KCNN2: variants seen among roughly 807,000 people sequenced by gnomAD.
The protein encoded by KCNN2 is small conductance calcium-activated potassium channel protein 2.
Under a neutral mutation model 55.5 loss-of-function variants are expected in KCNN2, and 24 were observed. The ratio of observed to expected loss-of-function variants is 0.43; its 90% CI spans 0.31 to 0.61. The LOEUF (loss-of-function observed/expected upper bound fraction) is 0.61, where lower values mean the gene tolerates loss of function less well. KCNN2 is among the 20% of genes least tolerant of loss of function. The probability of loss-of-function intolerance (pLI) is 0.08; values close to 1 mark genes in which losing one functional copy is unlikely to be tolerated. For synonymous variants in KCNN2, 431 were observed against 336.1 expected (o/e 1.28, Z -3.09); for missense variants, 754 against 853.6 (o/e 0.88, Z 1.45).
chr5:114,397,123 A>C (rs1033987049), intron 2 of KCNN2, among the ~76,000 whole-genome samples: 1 of 152,126 alleles, frequency 6.6e-6, no homozygotes, highest in Non-Finnish European at 1.5e-5. Context: ...CCCTCTACCA[A>C]TGAAGGGCAT....
At chr5:114,151,433 G>T (rs895701871) in intron 1 of KCNN2, among the ~76,000 whole-genome samples, 16 of 152,036 alleles carry the variant, frequency 1.1e-4, no homozygotes, top group Non-Finnish European at 5.9e-5. Flanking sequence ...CAGCAAAGGG[G>T]GTTGTAATGA....
intron 2 of KCNN2, among the ~76,000 whole-genome samples, chr5:114,296,060 T>G (rs1156299079): frequency 6.6e-6 from 1 of 152,226 alleles, no homozygotes; most frequent in African/African-American, 2.4e-5. Flanking sequence ...TTTACCCACC[T>G]AAGCTCATAG....
chr5:114,421,582 C>A (rs1046207559), intron 3 of KCNN2, among the ~76,000 whole-genome samples: 1 of 151,894 alleles, frequency 6.6e-6, no homozygotes, highest in Non-Finnish European at 1.5e-5. Flanking sequence ...ATTCTCTTTT[C>A]TCTACAACCT....
chr5:114,221,728 T>C (rs1243648038), intron 2 of KCNN2, among the ~76,000 whole-genome samples: 1 of 152,198 alleles, frequency 6.6e-6, no homozygotes, highest in Non-Finnish European at 1.5e-5. Flanking sequence ...ATGTATTACC[T>C]GCCTATTTCT....
At chr5:114,094,110 T>G (rs970610593) in intron 1 of KCNN2, among the ~76,000 whole-genome samples, 3 of 152,208 alleles carry the variant, frequency 2.0e-5, no homozygotes, top group African/African-American at 7.2e-5. Context: ...CTTTTTTTGT[T>G]TTGCCTTATT....
intron 1 of KCNN2, among the ~76,000 whole-genome samples, chr5:114,166,876 A>G (rs1752923708): frequency 6.6e-6 from 1 of 152,076 alleles, no homozygotes; most frequent in South Asian, 2.1e-4. Context: ...GCTTCTGCAC[A>G]TTCCATCTCT....
At chr5:114,380,384 C>G (rs952080133) in intron 2 of KCNN2, among the ~76,000 whole-genome samples, 3 of 152,208 alleles carry the variant, frequency 2.0e-5, no homozygotes, top group Middle Eastern at 3.2e-3. Flanking sequence ...GGCTCTCTCT[C>G]ATTTCATGGT....
intron 3 of KCNN2, among the ~76,000 whole-genome samples, chr5:114,410,741 T>C (rs912589132): frequency 6.6e-6 from 1 of 152,028 alleles, no homozygotes; most frequent in Non-Finnish European, 1.5e-5. Context: ...AAAGCAAACA[T>C]TGTGATAATA....
At chr5:114,465,985 G>C (rs1761428877) in intron 4 of KCNN2, among the ~76,000 whole-genome samples, 1 of 152,144 alleles carries the variant, frequency 6.6e-6, no homozygotes, top group Non-Finnish European at 1.5e-5. Flanking sequence ...TCTTACATCA[G>C]CTCCTTAGGG....
chr5:114,174,292 G>A (rs767627348), intron 1 of KCNN2, among the ~76,000 whole-genome samples: 2 of 152,046 alleles, frequency 1.3e-5, no homozygotes, highest in South Asian at 2.1e-4. Flanking sequence ...AGAAAACAAC[G>A]CAGAAAGTGT....
At chr5:114,288,694 T>G (rs572130179) in intron 2 of KCNN2, among the ~76,000 whole-genome samples, 19 of 152,302 alleles carry the variant, frequency 1.2e-4, no homozygotes, top group African/African-American at 4.3e-4. Flanking sequence ...CTCAAGCCCT[T>G]AGTTCATTTT....
chr5:114,473,363 G>A (rs1231670315), intron 5 of KCNN2, 199 bp downstream of exon 5: 4 of 567,268 alleles, frequency 7.1e-6, no homozygotes, highest in Admixed American at 3.1e-5. Flanking sequence ...TAATTGGGCA[G>A]TCTTGGTATT....
At chr5:114,123,114 T>G (rs919783022) in intron 1 of KCNN2, among the ~76,000 whole-genome samples, 1 of 152,180 alleles carries the variant, frequency 6.6e-6, no homozygotes, top group Non-Finnish European at 1.5e-5. Flanking sequence ...ATGTTATCAG[T>G]GCACCAGGCA....
At chr5:114,186,910 C>T (rs1449653709) in intron 1 of KCNN2, among the ~76,000 whole-genome samples, 2 of 152,026 alleles carry the variant, frequency 1.3e-5, no homozygotes, top group South Asian at 4.2e-4. Context: ...CCAATATAAC[C>T]TTAACACCAA....
intron 2 of KCNN2, among the ~76,000 whole-genome samples, chr5:114,283,993 A>C (rs575356714): frequency 5.3e-4 from 80 of 152,330 alleles, no homozygotes; most frequent in African/African-American, 1.7e-3. Flanking sequence ...CACTTTGGCC[A>C]GAGTAAGAAT....
intron 4 of KCNN2, among the ~76,000 whole-genome samples, chr5:114,469,317 TAAAC>T (rs966759864): frequency 2.0e-5 from 3 of 152,188 alleles, no homozygotes; most frequent in African/African-American, 7.2e-5. Flanking sequence ...GGAAAGATGA[TAAAC>T]AAGCCAAGCG....
intron 2 of KCNN2, among the ~76,000 whole-genome samples, chr5:114,386,122 C>T (rs1023465100): frequency 6.9e-6 from 1 of 144,392 alleles, no homozygotes; most frequent in Non-Finnish European, 1.5e-5. Context: ...ACAGAGCTTG[C>T]GGTGAGCCGA....
Position 114,273,050 on chromosome 5 carries a change from T to G in KCNN2, c.-185+51485T>G, listed in dbSNP as rs1158030265. Among the ~76,000 whole-genome samples the G allele has an allele frequency of 2.6e-5, 4 of 151,986 alleles. No homozygotes were observed. The South Asian group carries it at 8.3e-4, about 32-fold the overall frequency. ...CTAGCCCAACACCCCCCACAGGCCC[T>G]GGTATGTGATGTTCCCCTCCCTGTG... On this transcript the variant is annotated intron_variant, in intron 2 of 10. Coordinates refer to the KCNN2 transcript ENST00000512097.
intron 2 of KCNN2, among the ~76,000 whole-genome samples, chr5:114,336,362 A>G (rs543188056): frequency 6.6e-6 from 1 of 152,364 alleles, no homozygotes; most frequent in East Asian, 1.9e-4. Flanking sequence ...AAGCTTTGTT[A>G]TGAATTCTCT....
Sources: allele counts gnomAD v4.1 joint callset (sites outside exome capture counted in the v4.1 genomes callset), GRCh38; gene constraint gnomAD v4.1.1; transcripts MANE v1.5; gene names NCBI Gene and HGNC (gene_info 2026-07-23, HGNC 2026-07-21).